DDX31: variants seen among roughly 807,000 people sequenced by gnomAD.
DDX31 encodes ATP-dependent DNA helicase DDX31.
DDX31 carries 70 observed loss-of-function variants against 91.3 expected under a neutral mutation model. That is an observed-to-expected ratio of 0.77 (90% CI 0.63 to 0.94). DDX31 has a LOEUF of 0.94. Ranked by LOEUF, DDX31 falls within the 40% of genes least tolerant of loss-of-function variation. DDX31 has a pLI of 0.00. For synonymous variants in DDX31, 362 were observed against 350.6 expected, an observed-to-expected ratio of 1.03 and a Z score of -0.36; for missense variants, 902 against 925.0, an observed-to-expected ratio of 0.98 and a Z score of 0.32.
In DDX31 at chr9:132,669,893, C is replaced by G; in HGVS notation, c.42G>C (p.Thr14=). Reference sequence around the variant, plus strand: ...CCTGGGCTGGGGGACGTCTGGAGAACGTCCTGGGGTTGTCGAAGAGCGAAC... The same window carrying G: ...CCTGGGCTGGGGGACGTCTGGAGAAGGTCCTGGGGTTGTCGAAGAGCGAAC... The part of the protein sequence containing the change: ...ADGSLFDNPR[T]FSRRPPAQAS... Residue 14 remains threonine, a synonymous_variant, in exon 1 of 20, where the codon ACG becomes ACC. Transcript: ENST00000372159. 2 of 1,596,466 alleles carry G rather than the reference C, an allele frequency of 1.3e-6. No homozygotes were observed. Among genetic ancestry groups the G allele is most frequent in the Non-Finnish European group, 1.7e-6 (2 of 1,172,520 alleles).
chr9:132,604,180 T>G lies in DDX31; in HGVS notation c.1994+7907A>C, dbSNP rs571528675. Among the ~76,000 whole-genome samples the G allele has an allele frequency of 1.2e-4, 18 of 152,314 alleles. No individual in the cohort carries two copies. In the South Asian group the frequency reaches 3.5e-3, roughly 30 times the overall value. On this transcript the variant is annotated intron_variant, in intron 19 of 19. Transcript: ENST00000372159. ...ACTGTGCAACCCATTTGGAGTTGCC[T>G]GTGAACATGAGGTGCATGAACTCTA... is the stretch of plus-strand genomic sequence containing the variant.
intron 17 of DDX31, among the ~76,000 whole-genome samples, chr9:132,619,939 A>C (rs60472659): frequency 0.012 from 1,811 of 151,198 alleles, 34 homozygotes; most frequent in African/African-American, 0.042. Context: ...CCCCTGGCGG[A>C]CAGAATCCTC....
At chr9:132,596,195 C>A (rs1830425874) in intron 19 of DDX31, among the ~76,000 whole-genome samples, 1 of 152,006 alleles carries the variant, frequency 6.6e-6, no homozygotes, top group South Asian at 2.1e-4. Context: ...AAACTGTGGT[C>A]AAAATAAATG....
At chr9:132,625,349 C>A (rs964064051) in intron 17 of DDX31, among the ~76,000 whole-genome samples, 1 of 151,996 alleles carries the variant, frequency 6.6e-6, no homozygotes, top group African/African-American at 2.4e-5. Context: ...TGGACAGGGA[C>A]CACCGGGGCT....
At chr9:132,641,528 C>A (rs750698590) in intron 14 of DDX31, among the ~76,000 whole-genome samples, 2 of 152,182 alleles carry the variant, frequency 1.3e-5, no homozygotes, top group Non-Finnish European at 2.9e-5. Flanking sequence ...GCAGCTATCC[C>A]GGACTGCAGA....
rs941509817 is a variant in DDX31 at position 132,658,108 on chromosome 9, T to C, written c.588+563A>G. The C allele has an allele frequency of 8.9e-6, 5 of 560,112 alleles. No homozygotes were observed. The Admixed American group carries it at 9.0e-5, about 10-fold the overall frequency. The allele number at this position is 560,112 out of a possible 1,614,324, so 34.7% of individuals were successfully genotyped here. A position where few individuals can be genotyped will look rare whatever the true frequency, so the allele number is the denominator to read the frequency against. On this transcript the variant is annotated intron_variant, in intron 6 of 19. Transcript: ENST00000372159. ...TAGCTGCAAAACCAAATCACCTTTA[T>C]TGAGTGACCATTCTGTAAAAGGTCC...
intron 6 of DDX31, chr9:132,658,393 T>TCAAGAAGGGAACACATGC (rs1158316181): frequency 2.7e-5 from 19 of 702,720 alleles, no homozygotes; most frequent in Non-Finnish European, 4.9e-5. Flanking sequence ...AGTTAAAGAT[T>TCAAGAAGGGAACACATGC]CAAGAAGGGA....
At chr9:132,619,771 A>G (rs1294423699) in intron 17 of DDX31, among the ~76,000 whole-genome samples, 1 of 151,886 alleles carries the variant, frequency 6.6e-6, no homozygotes. Context: ...ATTGTCATTA[A>G]CAAGGATTTT....
intron 14 of DDX31, among the ~76,000 whole-genome samples, chr9:132,641,198 T>C (rs775079374): frequency 5.3e-5 from 8 of 152,234 alleles, no homozygotes; most frequent in Admixed American, 2.6e-4. Context: ...CCTTAAAAAG[T>C]AATTGCATCA....
chr9:132,668,943 AAGG>A (rs1835509432), intron 1 of DDX31, among the ~76,000 whole-genome samples: 1 of 152,222 alleles, frequency 6.6e-6, no homozygotes, highest in South Asian at 2.1e-4. Flanking sequence ...TTTGTCCAGA[AAGG>A]TGGGACAACT....
At chr9:132,662,397 CA>C (rs759293000) in intron 2 of DDX31, 41 bp downstream of exon 2, 5 of 1,613,682 alleles carry the variant, frequency 3.1e-6, no homozygotes, top group South Asian at 1.1e-5. Context: ...AAAGGCAGAA[CA>C]CATTTTTTTC....
intron 17 of DDX31, among the ~76,000 whole-genome samples, chr9:132,624,115 C>A (rs1832233608): frequency 7.8e-6 from 1 of 128,012 alleles, no homozygotes; most frequent in Admixed American, 1.0e-4. Context: ...TGCAGTGAGC[C>A]AAGATCGCGC....
intron 19 of DDX31, among the ~76,000 whole-genome samples, chr9:132,610,888 T>A (rs546362031): frequency 5.9e-5 from 9 of 152,312 alleles, no homozygotes; most frequent in African/African-American, 2.2e-4. Context: ...CGGAGCCGAC[T>A]TCAATCCAAC....
At position 132,594,272 on chromosome 9, in the gene DDX31, T is replaced by C. The variant is rs916660959; in HGVS notation, c.*594A>G. On this transcript the variant is annotated 3_prime_UTR_variant, in exon 20 of 20. Transcript: ENST00000372159. ...GCAACCTCGTGTTTCCAGAAGAAAA[T>C]AAGAGGGACCACGAGCCTGAGAACA... 2 of 152,076 alleles carry C rather than the reference T, an allele frequency of 1.3e-5. No homozygotes were observed. The highest frequency in any genetic ancestry group is 2.9e-5 in the Non-Finnish European group (2 of 68,068). 9.4% of individuals were successfully genotyped at this position (152,076 alleles called of 1,614,324 possible).
intron 12 of DDX31, among the ~76,000 whole-genome samples, 191 bp from the exon 13 acceptor site, chr9:132,646,262 C>T (rs142803330): frequency 1.2e-4 from 19 of 152,222 alleles, no homozygotes; most frequent in African/African-American, 4.1e-4. Flanking sequence ...GAGAGGAAAA[C>T]GACACAGCTA....
intron 1 of DDX31, chr9:132,669,550 G>A (rs1430453560): frequency 1.2e-5 from 17 of 1,431,254 alleles, no homozygotes; most frequent in African/African-American, 1.4e-5. Flanking sequence ...TGGGACTTGC[G>A]CCGGAACTTC....
intron 1 of DDX31, among the ~76,000 whole-genome samples, chr9:132,664,315 C>T (rs924050766): frequency 1.3e-5 from 2 of 152,200 alleles, no homozygotes; most frequent in Non-Finnish European, 2.9e-5. Context: ...GATCCTTTAT[C>T]ATCTTGGTCA....
chr9:132,664,432 G>A (rs1463976503), intron 1 of DDX31, among the ~76,000 whole-genome samples: 3 of 152,128 alleles, frequency 2.0e-5, no homozygotes. Context: ...AATATTGCCA[G>A]GTGCCATGGA....
rs779329990 is a variant in DDX31 at position 132,642,085 on chromosome 9, G to C, written c.1381-22C>G. The C allele has an allele frequency of 1.9e-5, 30 of 1,612,822 alleles. 1 individual carries two copies. The Admixed American group carries it at 5.0e-4, about 27-fold the overall frequency. ...TTTCCTACAAAAACAAGGAAAAATA[G>C]AGCCTTACAACTCAGAGACAAACTC... On this transcript the variant is annotated intron_variant, in intron 13 of 19. Coordinates refer to ENST00000372159, the MANE Select transcript of DDX31 (RefSeq NM_022779.9).
Sources: allele counts gnomAD v4.1 joint callset (sites outside exome capture counted in the v4.1 genomes callset), GRCh38; gene constraint gnomAD v4.1.1; transcripts MANE v1.5; gene names NCBI Gene and HGNC (gene_info 2026-07-23, HGNC 2026-07-21).